NWD2: variants seen among roughly 807,000 people sequenced by gnomAD.
NWD2 encodes the protein NACHT and WD repeat domain-containing protein 2.
Under a neutral mutation model 132.7 loss-of-function variants are expected in NWD2, and 37 were observed. That is an observed-to-expected ratio of 0.28 (90% CI 0.21 to 0.37). The LOEUF (loss-of-function observed/expected upper bound fraction) is 0.37, where lower values mean the gene tolerates loss of function less well. Ranked by LOEUF, NWD2 falls within the 10% of genes least tolerant of loss-of-function variation. NWD2 has a pLI of 1.00. For missense variants in NWD2, 1,592 were observed against 2,122.4 expected, an observed-to-expected ratio of 0.75 and a Z score of 4.91; for synonymous variants, 705 against 803.0, an observed-to-expected ratio of 0.88 and a Z score of 2.06.
At chr4:37,400,112 C>G (rs1720872346) in intron 3 of NWD2, among the ~76,000 whole-genome samples, 1 of 152,196 alleles carries the variant, frequency 6.6e-6, no homozygotes, top group Admixed American at 6.5e-5. Flanking sequence ...AGAATCTAAA[C>G]AGATACATAT....
Position 37,446,290 on chromosome 4 carries a change from C to T in NWD2, c.4302C>T (p.Asn1434=), listed in dbSNP as rs1184224488. ...TCGCCACAGGCCACAGGGTCTGCAA[C>T]ATTCTGACCACTTTGCAGAATGCCT... ...WRLATGHRVC[N]ILTTLQNAFI... Residue 1434 remains asparagine, a synonymous_variant, in exon 7 of 7, where the codon AAC becomes AAT. Coordinates refer to ENST00000309447, the MANE Select transcript of NWD2 (RefSeq NM_001144990.2). The surrounding 1 kb of genome is among the most constrained non-coding windows in gnomAD (Gnocchi z 6.7). The T allele has an allele frequency of 1.3e-6, 2 of 1,551,744 alleles. No individual in the cohort carries two copies. The highest frequency in any genetic ancestry group is 2.7e-5 in the African/African-American group (2 of 73,146).
intron 1 of NWD2, among the ~76,000 whole-genome samples, chr4:37,270,455 C>T (rs917818359): frequency 2.4e-4 from 37 of 151,844 alleles, no homozygotes; most frequent in African/African-American, 8.4e-4. Flanking sequence ...TGTCCAGAGT[C>T]AAGTCAGTAT....
chr4:37,426,861 T>A (rs974666872), intron 3 of NWD2, among the ~76,000 whole-genome samples: 9 of 152,182 alleles, frequency 5.9e-5, no homozygotes, highest in African/African-American at 2.2e-4. Flanking sequence ...TAGATTTGAC[T>A]GAATCCTAGT....
intron 4 of NWD2, among the ~76,000 whole-genome samples, chr4:37,433,256 C>T (rs1397753341): frequency 6.6e-6 from 1 of 152,168 alleles, no homozygotes; most frequent in African/African-American, 2.4e-5. Flanking sequence ...CCAGTTTCTA[C>T]CATGATCTGG....
intron 1 of NWD2, among the ~76,000 whole-genome samples, chr4:37,285,405 A>G (rs1226389292): frequency 6.6e-6 from 1 of 152,056 alleles, no homozygotes; most frequent in East Asian, 1.9e-4. Flanking sequence ...TCTCCCGTAT[A>G]TTAAAGTTGG....
At chr4:37,344,754 T>C (rs1186216221) in intron 2 of NWD2, among the ~76,000 whole-genome samples, 1 of 152,194 alleles carries the variant, frequency 6.6e-6, no homozygotes, top group Non-Finnish European at 1.5e-5. Flanking sequence ...TTGAAGTGTA[T>C]GATTCAGTGG....
intron 1 of NWD2, among the ~76,000 whole-genome samples, chr4:37,270,310 T>C (rs945414325): frequency 2.6e-5 from 4 of 151,982 alleles, no homozygotes; most frequent in African/African-American, 9.6e-5. Context: ...AATTAATTTT[T>C]GAATGAATAA....
chr4:37,263,091 T>G (rs138001435), intron 1 of NWD2, among the ~76,000 whole-genome samples: 2 of 152,162 alleles, frequency 1.3e-5, no homozygotes, highest in African/African-American at 4.8e-5. Context: ...TGTGGCATTT[T>G]GCAGCCGCTG....
intron 3 of NWD2, among the ~76,000 whole-genome samples, chr4:37,377,016 T>A (rs942692560): frequency 6.6e-6 from 1 of 152,200 alleles, no homozygotes; most frequent in Non-Finnish European, 1.5e-5. Context: ...CCATCTAGCC[T>A]CTGAAACATT....
rs544791381 is a variant in NWD2 at position 37,378,196 on chromosome 4, G to A, written c.357+21714G>A. 3.9e-5 allele frequency among the ~76,000 whole-genome samples: 6 copies of A among 152,218 alleles called. No individual in the cohort carries two copies. The East Asian group carries it at 9.6e-4, about 24-fold the overall frequency. On this transcript the variant is annotated intron_variant, in intron 3 of 6. Coordinates refer to ENST00000309447, the MANE Select transcript of NWD2 (RefSeq NM_001144990.2). ...ACTTATGTTCCTGTGTCTGCTCCACGTCCCTGCCAACAACCACTTCACAAA... is the reference window on the plus strand; with the variant it reads ...ACTTATGTTCCTGTGTCTGCTCCACATCCCTGCCAACAACCACTTCACAAA...
chr4:37,377,464 G>A (rs1720367831), intron 3 of NWD2, among the ~76,000 whole-genome samples: 1 of 152,190 alleles, frequency 6.6e-6, no homozygotes, highest in Non-Finnish European at 1.5e-5. Flanking sequence ...GGGCGTGGTG[G>A]CTCACACCTG....
intron 1 of NWD2, among the ~76,000 whole-genome samples, chr4:37,267,607 A>G (rs1300655885): frequency 1.3e-5 from 2 of 151,966 alleles, no homozygotes; most frequent in Non-Finnish European, 2.9e-5. Context: ...ATCTATGTAG[A>G]TCTACTGAAA....
intron 1 of NWD2, among the ~76,000 whole-genome samples, chr4:37,322,655 C>T (rs975020538): frequency 2.0e-5 from 3 of 152,100 alleles, no homozygotes; most frequent in African/African-American, 4.8e-5. Flanking sequence ...TTGGAAAAAT[C>T]AGTCTGGTTG....
intron 2 of NWD2, among the ~76,000 whole-genome samples, chr4:37,330,465 C>A (rs1479774): frequency 0.73 from 111,530 of 152,072 alleles, 41,310 homozygotes; most frequent in East Asian, 0.99. Flanking sequence ...GGGAGAAAGC[C>A]GGTGGTGCAA....
At chr4:37,414,635 G>C (rs1245960464) in intron 3 of NWD2, among the ~76,000 whole-genome samples, 1 of 152,090 alleles carries the variant, frequency 6.6e-6, no homozygotes, top group African/African-American at 2.4e-5. Flanking sequence ...TCTCATTCCA[G>C]ATCTTATCTA....
chr4:37,274,809 A>G (rs1717966356), intron 1 of NWD2, among the ~76,000 whole-genome samples: 1 of 152,100 alleles, frequency 6.6e-6, no homozygotes, highest in South Asian at 2.1e-4. Context: ...TCCAACATAT[A>G]AACAGAACCA....
chr4:37,367,656 C>T (rs1355433512), intron 3 of NWD2, among the ~76,000 whole-genome samples: 1 of 152,138 alleles, frequency 6.6e-6, no homozygotes, highest in African/African-American at 2.4e-5. Flanking sequence ...ATCCTGATTA[C>T]ACACAGGTAA....
chr4:37,435,296 C>G (rs1712293310), intron 5 of NWD2, among the ~76,000 whole-genome samples: 1 of 152,180 alleles, frequency 6.6e-6, no homozygotes, highest in Non-Finnish European at 1.5e-5. Context: ...TTCGTGAAAA[C>G]CTAAAAGGCA....
intron 5 of NWD2, among the ~76,000 whole-genome samples, chr4:37,435,350 G>A (rs1712294615): frequency 6.6e-6 from 1 of 152,192 alleles, no homozygotes; most frequent in African/African-American, 2.4e-5. Flanking sequence ...GAAGCTCAGA[G>A]AAGTTACAAA....
Sources: allele counts gnomAD v4.1 joint callset (sites outside exome capture counted in the v4.1 genomes callset), GRCh38; gene constraint gnomAD v4.1.1; non-coding constraint Gnocchi (gnomAD v3.1); transcripts MANE v1.5; gene names NCBI Gene and HGNC (gene_info 2026-07-23, HGNC 2026-07-21).